DEFB109B: variants seen among roughly 807,000 people sequenced by gnomAD.
DEFB109B encodes the protein defensin beta 109B.
intron 1 of DEFB109B, among the ~76,000 whole-genome samples, chr8:7,316,684 T>G (rs1260149940): frequency 2.1e-5 from 3 of 144,718 alleles, no homozygotes; most frequent in Non-Finnish European, 4.4e-5. Context: ...TGGAATGCAG[T>G]GTTGCAATCT....
At chr8:7,315,281 G>T (rs1486188655) in intron 1 of DEFB109B, among the ~76,000 whole-genome samples, 1 of 128,666 alleles carries the variant, frequency 7.8e-6, no homozygotes, top group Non-Finnish European at 1.5e-5. Context: ...ACTTTGGGAG[G>T]CCGAGGCCGG....
At chr8:7,310,565 T>G (rs2128804415), upstream of DEFB109B, among the ~76,000 whole-genome samples, 1 of 138,870 alleles carries the variant, frequency 7.2e-6, no homozygotes, top group Admixed American at 7.0e-5. Flanking sequence ...CATCTGCACC[T>G]CTGCCTTAGG....
At chr8:7,311,993 T>A (rs1427562878), upstream of DEFB109B, among the ~76,000 whole-genome samples, 4 of 128,742 alleles carry the variant, frequency 3.1e-5, 2 homozygotes, top group African/African-American at 1.8e-4. Flanking sequence ...CATAATAAGA[T>A]AATGGAGATA....
chr8:7,313,902 C>G (rs1248555962), intron 1 of DEFB109B, among the ~76,000 whole-genome samples: 1 of 110,368 alleles, frequency 9.1e-6, no homozygotes, highest in Non-Finnish European at 1.7e-5. Context: ...AGGTTAATAT[C>G]AAAACAGATG....
intron 1 of DEFB109B, 154 bp from the exon 2 acceptor site, chr8:7,319,592 T>A (rs1585322840): frequency 7.2e-6 from 1 of 139,610 alleles, no homozygotes; most frequent in East Asian, 2.0e-4. Flanking sequence ...CTACCTTTCT[T>A]AAACTGCATG....
upstream of DEFB109B, among the ~76,000 whole-genome samples, chr8:7,309,714 C>A (rs1365723110): frequency 6.9e-6 from 1 of 144,462 alleles, no homozygotes; most frequent in African/African-American, 2.8e-5. Flanking sequence ...GATCAGGCAT[C>A]CTAAGTAGAT....
upstream of DEFB109B, among the ~76,000 whole-genome samples, chr8:7,312,061 T>C (rs1802636906): frequency 8.4e-6 from 1 of 119,394 alleles, no homozygotes; most frequent in Non-Finnish European, 1.5e-5. Context: ...CCAAAATAGG[T>C]AATTGTTATA....
At chr8:7,319,759 G>A (rs1253389110) in exon 2 of DEFB109B, 1 of 146,000 alleles carries the variant, frequency 6.8e-6, no homozygotes, top group East Asian at 2.0e-4. Context: ...GAGGTGGTTT[G>A]GGTCCTGCGG....
intron 1 of DEFB109B, among the ~76,000 whole-genome samples, chr8:7,316,081 CT>C (rs1237799387): frequency 4.8e-5 from 1 of 20,754 alleles, no homozygotes; most frequent in Non-Finnish European, 8.4e-5. Context: ...CTGCAGATCT[CT>C]TGGTAGTGAA....
intron 1 of DEFB109B, chr8:7,319,290 C>A: frequency 7.2e-6 from 1 of 138,628 alleles, no homozygotes; most frequent in African/African-American, 3.3e-5. Context: ...AAAAAATAGC[C>A]ATATAGAAAA....
rs1227168014 is a variant in DEFB109B, at chr8:7,312,921, T to A, written n.58+18T>A. 4 of 135,336 alleles carry A rather than the reference T, an allele frequency of 3.0e-5. 1 individual carries two copies. The highest frequency in any genetic ancestry group is 8.0e-5 in the African/African-American group (2 of 25,132). 8.4% of individuals were successfully genotyped at this position (135,336 alleles called of 1,614,324 possible). A position where few individuals can be genotyped will look rare whatever the true frequency, so the allele number is the denominator to read the frequency against. ...ATCCCCAGGTAAGTTGGTAGCTCATTACTATAAGGTTCTGCAGATGAGAAT... is the reference window on the plus strand; with the variant it reads ...ATCCCCAGGTAAGTTGGTAGCTCATAACTATAAGGTTCTGCAGATGAGAAT... On this transcript the variant is annotated intron_variant and non_coding_transcript_variant, in intron 1 of 1. Transcript: ENST00000382656.
upstream of DEFB109B, among the ~76,000 whole-genome samples, chr8:7,309,774 C>T (rs1431904351): frequency 7.7e-6 from 1 of 130,630 alleles, no homozygotes; most frequent in Non-Finnish European, 1.5e-5. Context: ...AAAGATTAAG[C>T]AACATGTTGC....
At chr8:7,309,758 G>A (rs1585305933), upstream of DEFB109B, among the ~76,000 whole-genome samples, 1 of 135,766 alleles carries the variant, frequency 7.4e-6, no homozygotes, top group East Asian at 2.1e-4. Context: ...AACTTGTATA[G>A]GCAAGAAAGA....
intron 1 of DEFB109B, chr8:7,319,495 A>C (rs1803177780): frequency 7.4e-6 from 1 of 134,390 alleles, no homozygotes; most frequent in Non-Finnish European, 1.5e-5. Context: ...AACCCAGAGA[A>C]AAAGATGAAG....
chr8:7,313,764 G>C (rs1332745979), intron 1 of DEFB109B, among the ~76,000 whole-genome samples: 1 of 134,576 alleles, frequency 7.4e-6, no homozygotes, highest in Non-Finnish European at 1.5e-5. Context: ...ATAAATTAAT[G>C]AAACAAATGA....
At chr8:7,315,496 CAAAAA>C (rs140776655) in intron 1 of DEFB109B, among the ~76,000 whole-genome samples, 1 of 93,990 alleles carries the variant, frequency 1.1e-5, no homozygotes, top group Non-Finnish European at 1.8e-5. Flanking sequence ...GAGACTCCGT[CAAAAA>C]AAAAAAAAAA....
chr8:7,316,952 T>C, intron 1 of DEFB109B, among the ~76,000 whole-genome samples: 1 of 124,338 alleles, frequency 8.0e-6, no homozygotes, highest in Non-Finnish European at 1.5e-5. Flanking sequence ...GACCTGCCCA[T>C]TTTTTCTATC....
At chr8:7,317,331 T>C (rs1050245752) in intron 1 of DEFB109B, among the ~76,000 whole-genome samples, 123 of 139,134 alleles carry the variant, frequency 8.8e-4, no homozygotes, top group Middle Eastern at 3.7e-3. Flanking sequence ...ATTAGCATTG[T>C]TGATAATAGC....
chr8:7,316,546 CT>C (rs950116188), intron 1 of DEFB109B, among the ~76,000 whole-genome samples: 25 of 77,918 alleles, frequency 3.2e-4, no homozygotes, highest in Non-Finnish European at 1.3e-4. Context: ...ACTAATTATC[CT>C]GTTACCTATA....
Sources: allele counts gnomAD v4.1 joint callset (sites outside exome capture counted in the v4.1 genomes callset), GRCh38; gene constraint gnomAD v4.1.1; transcripts MANE v1.5; gene names NCBI Gene and HGNC (gene_info 2026-07-23, HGNC 2026-07-21).